Variants in ACBD5 observed in about 807,000 individuals in gnomAD.
ACBD5 encodes acyl-CoA binding domain containing 5.
A neutral mutation model predicts 71.8 loss-of-function variants in ACBD5; 40 were observed. The ratio of observed to expected loss-of-function variants is 0.56; its 90% CI spans 0.43 to 0.72. The LOEUF (loss-of-function observed/expected upper bound fraction) is 0.72, where lower values mean the gene tolerates loss of function less well. ACBD5 is among the 30% of genes least tolerant of loss of function. The probability of loss-of-function intolerance (pLI) is 0.00; values close to 1 mark genes in which losing one functional copy is unlikely to be tolerated. For synonymous variants in ACBD5, 229 were observed against 218.6 expected, an observed-to-expected ratio of 1.05 and a Z score of -0.42; for missense variants, 559 against 644.5, an observed-to-expected ratio of 0.87 and a Z score of 1.44.
chr10:27,222,019 T>C (rs2062415443), intron 5 of ACBD5, among the ~76,000 whole-genome samples: 1 of 152,110 alleles, frequency 6.6e-6, no homozygotes. Context: ...AATATTTGAC[T>C]TCTGTAAGCA....
At chr10:27,188,712 T>C (rs1317325897) in intron 13 of ACBD5, among the ~76,000 whole-genome samples, 1 of 152,190 alleles carries the variant, frequency 6.6e-6, no homozygotes, top group East Asian at 1.9e-4. Context: ...TAATGGTATT[T>C]ATTGGGAACA....
intron 13 of ACBD5, among the ~76,000 whole-genome samples, chr10:27,189,294 T>C (rs546807944): frequency 6.6e-6 from 1 of 152,332 alleles, no homozygotes; most frequent in East Asian, 1.9e-4. Flanking sequence ...CCCAAAATGC[T>C]GGGATTACAG....
Position 27,240,534 on chromosome 10 carries a change from C to A in ACBD5, c.16-50G>T. ...ATCAACATGCCCCAAAAGGAGGAGG[C>A]CCGGGAGCGAAGCGGGTCAGTTCCC... On this transcript the variant is annotated intron_variant, in intron 1 of 12. Transcript: ENST00000396271. The surrounding 1 kb of genome is among the most constrained non-coding windows in gnomAD (Gnocchi z 4.1). 6.4e-7 allele frequency: 1 copy of A among 1,557,054 alleles called. No individual in the cohort carries two copies. Among genetic ancestry groups the A allele is most frequent in the African/African-American group, 1.4e-5 (1 of 73,468 alleles).
At chr10:27,215,454 T>C in intron 8 of ACBD5, 81 bp downstream of exon 8, 1 of 869,432 alleles carries the variant, frequency 1.2e-6, no homozygotes, top group South Asian at 1.4e-5. Context: ...ATAGCATGTA[T>C]ATTTGCTACT....
At chr10:27,227,153 T>C (rs2800404) in intron 4 of ACBD5, among the ~76,000 whole-genome samples, 111,530 of 150,772 alleles carry the variant, frequency 0.74, 41,369 homozygotes, top group African/African-American at 0.76. Context: ...ATAAGTTAAC[T>C]AAGCTAATTT....
intron 3 of ACBD5, among the ~76,000 whole-genome samples, chr10:27,234,101 G>A (rs987602838): frequency 1.3e-5 from 2 of 152,226 alleles, no homozygotes; most frequent in African/African-American, 2.4e-5. Flanking sequence ...TGTTCATAAC[G>A]TACAGTCTAA....
chr10:27,211,700 AT>A (rs35704264), intron 8 of ACBD5, among the ~76,000 whole-genome samples: 123 of 151,796 alleles, frequency 8.1e-4, no homozygotes, highest in African/African-American at 2.9e-3. Context: ...TACTACCTAA[AT>A]TTTTTTTTAA....
chr10:27,212,972 T>C (rs1327239701), intron 8 of ACBD5, among the ~76,000 whole-genome samples: 1 of 152,188 alleles, frequency 6.6e-6, no homozygotes, highest in African/African-American at 2.4e-5. Flanking sequence ...ACACAAAAAG[T>C]TAAAATCATT....
intron 4 of ACBD5, among the ~76,000 whole-genome samples, chr10:27,225,073 CTT>C (rs1237809812): frequency 1.0e-5 from 1 of 95,756 alleles, no homozygotes; most frequent in Non-Finnish European, 2.1e-5. Flanking sequence ...CTCTCGCTCT[CTT>C]TCTTTTTTTT....
At chr10:27,242,082 G>A (rs1478147759), upstream of ACBD5, 2 of 452,392 alleles carry the variant, frequency 4.4e-6, no homozygotes, top group Non-Finnish European at 8.9e-6. Flanking sequence ...GACAAGGCCT[G>A]TCCGGTAATG....
At chr10:27,235,258 T>C (rs759712413) in intron 2 of ACBD5, 46 bp from the exon 3 acceptor site, 3 of 1,609,262 alleles carry the variant, frequency 1.9e-6, no homozygotes, top group Non-Finnish European at 1.7e-6. Context: ...GGAATACAAC[T>C]GATAATCAGG....
In ACBD5 at chr10:27,211,039, A is replaced by G. The variant is rs749832323; in HGVS notation, c.979T>C (p.Tyr327His). The change falls in exon 9 of 13, where the codon TAC (tyrosine) becomes CAC (histidine). Residue 327 changes from tyrosine (Y) to histidine (H), a missense_variant. Transcript: ENST00000396271. The part of the protein sequence containing the change: ...FTSNNGPFQY[Y>H]LGGHSSQPME... ...GGTTGACTGGAATGACCACCCAAGT[A>G]ATACTGAAATGGTCCATTGTTGGAC... is the stretch of plus-strand genomic sequence containing the variant. The G allele has an allele frequency of 1.2e-6, 2 of 1,614,196 alleles. No homozygotes were observed. The highest frequency in any genetic ancestry group is 2.2e-5 in the South Asian group (2 of 91,084).
chr10:27,187,760 A>AAG, intron 13 of ACBD5, among the ~76,000 whole-genome samples: 1 of 152,030 alleles, frequency 6.6e-6, no homozygotes, highest in East Asian at 1.9e-4. Context: ...TCAAAAAAAA[A>AAG]AAAAATACTA....
chr10:27,196,641 T>A lies in ACBD5; in HGVS notation c.*789A>T. On this transcript the variant is annotated 3_prime_UTR_variant, in exon 13 of 13. Transcript: ENST00000396271. ...CCTATGAAGCAGACACTAGATATCC[T>A]CAGTTAAACAAAAATGATTACAAAG... The A allele has an allele frequency of 2.2e-6, 1 of 454,486 alleles. No homozygotes were observed. The allele number at this position is 454,486 out of a possible 1,614,324, so 28.2% of individuals were successfully genotyped here. A position where few individuals can be genotyped will look rare whatever the true frequency, so the allele number is the denominator to read the frequency against.
intron 4 of ACBD5, among the ~76,000 whole-genome samples, chr10:27,228,815 A>ATATTTTT (rs1554856598): frequency 4.9e-5 from 1 of 20,362 alleles, no homozygotes; most frequent in African/African-American, 1.2e-4. Context: ...ATATATATAT[A>ATATTTTT]TTTTTTTTTT....
chr10:27,197,297 C>T lies in ACBD5; in HGVS notation c.*133G>A. ...CAAAATATATATGTGTATATATGTA[C>T]ACAAACTAAACTACTGGACAACAAA... On this transcript the variant is annotated 3_prime_UTR_variant, in exon 13 of 13. Transcript: ENST00000396271. The T allele has an allele frequency of 1.2e-6, 1 of 849,070 alleles. No individual in the cohort carries two copies. The highest frequency in any genetic ancestry group is 2.0e-6 in the Non-Finnish European group (1 of 503,702). The allele number at this position is 849,070 out of a possible 1,614,324, so 52.6% of individuals were successfully genotyped here. A position where few individuals can be genotyped will look rare whatever the true frequency, so the allele number is the denominator to read the frequency against.
At chr10:27,184,004 G>A (rs188583168) in intron 13 of ACBD5, among the ~76,000 whole-genome samples, 29 of 152,178 alleles carry the variant, frequency 1.9e-4, no homozygotes, top group East Asian at 1.7e-3. Flanking sequence ...GAGCCACCAC[G>A]CCTGGCCCAG....
At chr10:27,216,816 A>T (rs1347561130) in intron 7 of ACBD5, among the ~76,000 whole-genome samples, 1 of 152,136 alleles carries the variant, frequency 6.6e-6, no homozygotes, top group Non-Finnish European at 1.5e-5. Context: ...CCTAAATGTA[A>T]GATCCAACTA....
rs1445038523 is a variant in ACBD5 at position 27,211,030 on chromosome 10, C to G, written c.988G>C (p.Gly330Arg). The G allele has an allele frequency of 6.2e-7, 1 of 1,613,934 alleles. No individual in the cohort carries two copies. Among genetic ancestry groups the G allele is most frequent in the Non-Finnish European group, 8.5e-7 (1 of 1,179,996 alleles). The part of the protein sequence containing the change: ...NNGPFQYYLG[G>R]HSSQPMENSG... ...TTTTCCATGGGTTGACTGGAATGAC[C>G]ACCCAAGTAATACTGAAATGGTCCA... The change falls in exon 9 of 13, where the codon GGT becomes CGT. Residue 330 changes from glycine (G) to arginine (R), a missense_variant. Physicochemically the swap from Gly to Arg is moderately radical, Grantham distance 125. Transcript: ENST00000396271.
Sources: gnomAD v4.1 joint callset for allele counts (sites outside exome capture counted in the v4.1 genomes callset) on GRCh38, gnomAD v4.1.1 for gene constraint, Gnocchi (gnomAD v3.1) non-coding constraint, MANE v1.5 for transcripts, NCBI Gene and HGNC (gene_info 2026-07-23, HGNC 2026-07-21) for gene names.